The following KCNIP4 variants were observed in gnomAD, a reference collection of about 807,000 sequenced individuals.
The protein encoded by KCNIP4 is potassium voltage-gated channel interacting protein 4.
KCNIP4 carries 12 observed loss-of-function variants against 34.0 expected under a neutral mutation model. The observed-to-expected ratio is 0.35, with a 90% CI of 0.23 to 0.57. The LOEUF is 0.57. KCNIP4 is among the 20% of genes least tolerant of loss of function. KCNIP4 has a pLI of 0.83. For missense variants in KCNIP4, 238 were observed against 311.7 expected (o/e 0.76, Z 1.78); for synonymous variants, 124 against 102.2 (o/e 1.21, Z -1.29).
chr4:21,421,980 A>G (rs1221443455), intron 1 of KCNIP4, among the ~76,000 whole-genome samples: 1 of 152,172 alleles, frequency 6.6e-6, no homozygotes, highest in Non-Finnish European at 1.5e-5. Flanking sequence ...TCTCTGATAC[A>G]CTAACAATAT....
At chr4:21,468,984 A>C (rs1315344103) in intron 1 of KCNIP4, among the ~76,000 whole-genome samples, 2 of 152,180 alleles carry the variant, frequency 1.3e-5, no homozygotes, top group Admixed American at 6.5e-5. Context: ...TTTAAAACAC[A>C]TACAAACAGA....
chr4:20,909,621 GACAC>G (rs1728137905), intron 1 of KCNIP4, among the ~76,000 whole-genome samples: 1 of 152,066 alleles, frequency 6.6e-6, no homozygotes, highest in Non-Finnish European at 1.5e-5. Flanking sequence ...CATTACTTTG[GACAC>G]ATTAAGACCT....
chr4:20,868,343 CAG>C (rs1190238561), intron 2 of KCNIP4, among the ~76,000 whole-genome samples: 1 of 152,016 alleles, frequency 6.6e-6, no homozygotes, highest in Non-Finnish European at 1.5e-5. Flanking sequence ...AGTCCAAAAA[CAG>C]ATGCTGGTGA....
At chr4:21,589,909 T>C (rs1742056770) in intron 1 of KCNIP4, among the ~76,000 whole-genome samples, 1 of 152,036 alleles carries the variant, frequency 6.6e-6, no homozygotes, top group Non-Finnish European at 1.5e-5. Context: ...TTTCATAAGA[T>C]GCTAGAAAAG....
chr4:21,779,860 G>A (rs1333938840), intron 1 of KCNIP4, among the ~76,000 whole-genome samples: 1 of 151,678 alleles, frequency 6.6e-6, no homozygotes, highest in Non-Finnish European at 1.5e-5. Context: ...GAGCCCAAGA[G>A]TTCAAGGCTG....
intron 2 of KCNIP4, among the ~76,000 whole-genome samples, chr4:20,880,240 T>G (rs1206096443): frequency 2.0e-5 from 3 of 152,162 alleles, no homozygotes; most frequent in African/African-American, 7.2e-5. Flanking sequence ...GTGTGTGGGC[T>G]CTTATCTTTC....
At chr4:21,024,419 C>A (rs1005111309) in intron 1 of KCNIP4, among the ~76,000 whole-genome samples, 3 of 152,098 alleles carry the variant, frequency 2.0e-5, no homozygotes, top group Non-Finnish European at 4.4e-5. Context: ...ATATTTAGTA[C>A]CATGTTTTAT....
At position 21,511,485 on chromosome 4, in the gene KCNIP4, GTGTAT is replaced by G. The variant is rs368133701; in HGVS notation, c.61+437081_61+437085del. Among the ~76,000 whole-genome samples, 231 of 152,084 alleles carry G rather than the reference GTGTAT, an allele frequency of 1.5e-3. 10 individuals are homozygous for G. In the South Asian group the frequency reaches 0.041, roughly 27 times the overall value. ...TGACAAAAGACACGTACATGAAAAA[GTGTAT>G]ATTTCCAAAGAAAATTGGAAAGATC... On this transcript the variant is annotated intron_variant, in intron 1 of 8. Transcript: ENST00000382152.
intron 1 of KCNIP4, among the ~76,000 whole-genome samples, chr4:20,914,558 T>C (rs1179185410): frequency 6.6e-6 from 1 of 152,220 alleles, no homozygotes; most frequent in Non-Finnish European, 1.5e-5. Flanking sequence ...GTTTATGATA[T>C]TTTATTATAT....
At chr4:21,151,406 A>G (rs6811813) in intron 1 of KCNIP4, among the ~76,000 whole-genome samples, 3 of 51,318 alleles carry the variant, frequency 5.8e-5, no homozygotes, top group East Asian at 1.2e-3. Flanking sequence ...ACAAAAGACA[A>G]TTTTTTTTTT....
At chr4:21,755,319 C>T (rs796318755) in intron 1 of KCNIP4, among the ~76,000 whole-genome samples, 5 of 152,136 alleles carry the variant, frequency 3.3e-5, no homozygotes, top group East Asian at 1.9e-4. Context: ...ATAAATGTAA[C>T]GTTTCTGGCA....
At chr4:21,504,170 T>C (rs1431290137) in intron 1 of KCNIP4, among the ~76,000 whole-genome samples, 1 of 152,056 alleles carries the variant, frequency 6.6e-6, no homozygotes, top group African/African-American at 2.4e-5. Context: ...GTAGTCATGA[T>C]AGAGTGGTAG....
chr4:21,748,666 G>T (rs995667711), intron 1 of KCNIP4, among the ~76,000 whole-genome samples: 5 of 152,062 alleles, frequency 3.3e-5, no homozygotes, highest in African/African-American at 1.2e-4. Context: ...TTTTGGAAGG[G>T]GTGTAATCTG....
intron 3 of KCNIP4, among the ~76,000 whole-genome samples, chr4:20,761,327 C>G (rs1378635870): frequency 6.6e-6 from 1 of 152,186 alleles, no homozygotes; most frequent in East Asian, 1.9e-4. Context: ...TTCCATTTCT[C>G]TGAAGGACCC....
At chr4:21,880,508 ATTAAAAACTACTGAGG>A (rs1726400616) in intron 1 of KCNIP4, among the ~76,000 whole-genome samples, 1 of 152,224 alleles carries the variant, frequency 6.6e-6, no homozygotes, top group South Asian at 2.1e-4. Context: ...TATTTTCATC[ATTAAAAACTACTGAGG>A]TTGAACATAT....
intron 1 of KCNIP4, among the ~76,000 whole-genome samples, chr4:21,880,227 T>A (rs1726387722): frequency 6.6e-6 from 1 of 152,232 alleles, no homozygotes; most frequent in African/African-American, 2.4e-5. Context: ...AAATGTTTCA[T>A]CATATATTTT....
intron 1 of KCNIP4, among the ~76,000 whole-genome samples, chr4:21,105,674 A>G (rs1748451430): frequency 6.6e-6 from 1 of 151,624 alleles, no homozygotes; most frequent in Non-Finnish European, 1.5e-5. Flanking sequence ...GTCTTGTGCC[A>G]GTTTTCAAAT....
chr4:20,855,178 T>C (rs893963194), intron 2 of KCNIP4, among the ~76,000 whole-genome samples: 1 of 152,144 alleles, frequency 6.6e-6, no homozygotes, highest in African/African-American at 2.4e-5. Flanking sequence ...TGGAAATATA[T>C]TAGGGTTCAG....
intron 1 of KCNIP4, among the ~76,000 whole-genome samples, chr4:21,889,837 A>C (rs1301112058): frequency 6.6e-6 from 1 of 152,074 alleles, no homozygotes; most frequent in Non-Finnish European, 1.5e-5. Flanking sequence ...CCACTCAACT[A>C]TGTACTCAGT....
Sources: allele counts gnomAD v4.1 joint callset (sites outside exome capture counted in the v4.1 genomes callset), GRCh38; gene constraint gnomAD v4.1.1; transcripts MANE v1.5; gene names NCBI Gene and HGNC (gene_info 2026-07-23, HGNC 2026-07-21).